Variants in CDH2 observed in about 807,000 individuals in gnomAD.
The protein encoded by CDH2 is cadherin-2.
Under a neutral mutation model 92.0 loss-of-function variants are expected in CDH2, and 17 were observed. The ratio of observed to expected loss-of-function variants is 0.18; its 90% CI spans 0.13 to 0.28. CDH2 has a LOEUF of 0.28. Among genes scored for constraint, CDH2 ranks in the 10% least tolerant of loss-of-function variants. The pLI is 1.00. For synonymous variants in CDH2, 419 were observed against 415.9 expected (o/e 1.01, Z -0.09); for missense variants, 862 against 1,133.1 (o/e 0.76, Z 3.44).
At chr18:27,986,885 A>G (rs1278067556) in intron 11 of CDH2, among the ~76,000 whole-genome samples, 1 of 152,236 alleles carries the variant, frequency 6.6e-6, no homozygotes, top group Non-Finnish European at 1.5e-5. Context: ...TTTTATAACA[A>G]CTATATAGAA....
At chr18:28,009,955 C>T in intron 4 of CDH2, 83 bp from the exon 5 acceptor site, 1 of 1,059,546 alleles carries the variant, frequency 9.4e-7, no homozygotes, top group Non-Finnish European at 1.3e-6. Flanking sequence ...ACTTCATGCC[C>T]TTTTTCAGCT....
rs147122669 is a variant in CDH2, at chr18:28,042,267, G to T, written c.173-28358C>A. The stretch of plus-strand genomic sequence containing the variant: ...TAAAATACCCAATAAGATAGCATTG[G>T]AATTAGGGAAATAACGTTTTATTAC... On this transcript the variant is annotated intron_variant, in intron 2 of 15. Transcript: ENST00000269141. 9.9e-5 allele frequency among the ~76,000 whole-genome samples: 15 copies of T among 152,214 alleles called. 1 individual carries two copies. The East Asian group carries it at 2.9e-3, about 29-fold the overall frequency.
At chr18:27,982,315 C>T (rs1331654056) in intron 14 of CDH2, among the ~76,000 whole-genome samples, 1 of 152,118 alleles carries the variant, frequency 6.6e-6, no homozygotes, top group Non-Finnish European at 1.5e-5. Context: ...CCCATACGCA[C>T]ATAGTGATAT....
intron 6 of CDH2, among the ~76,000 whole-genome samples, chr18:27,935,334 GGA>G (rs1027473665): frequency 9.9e-5 from 15 of 152,132 alleles, no homozygotes; most frequent in African/African-American, 3.6e-4. Context: ...ATGGCTGGAA[GGA>G]GAGACAGAGA....
intron 1 of CDH2, among the ~76,000 whole-genome samples, chr18:28,158,833 A>C (rs766033554): frequency 2.0e-5 from 3 of 152,230 alleles, no homozygotes; most frequent in Non-Finnish European, 2.9e-5. Flanking sequence ...TTATTAAGCC[A>C]GACATTAAAG....
chr18:27,951,951 T>C lies in CDH2; in HGVS notation c.*202A>G, dbSNP rs927212386. 3 of 580,684 alleles carry C rather than the reference T, an allele frequency of 5.2e-6. No individual in the cohort carries two copies. The highest frequency in any genetic ancestry group is 1.9e-5 in the African/African-American group (1 of 53,374). 36.0% of individuals were successfully genotyped at this position (580,684 alleles called of 1,614,324 possible). A position where few individuals can be genotyped will look rare whatever the true frequency, so the allele number is the denominator to read the frequency against. ...GTGCTTCTGTACTGTAAAATTCAAG[T>C]GTAACTGAGCTCAGTGTTTTTCCAA... On this transcript the variant is annotated 3_prime_UTR_variant, in exon 16 of 16. Coordinates refer to ENST00000269141, the MANE Select transcript of CDH2 (RefSeq NM_001792.5).
intron 2 of CDH2, among the ~76,000 whole-genome samples, chr18:28,034,161 G>A (rs2144091045): frequency 6.6e-6 from 1 of 152,162 alleles, no homozygotes; most frequent in East Asian, 1.9e-4. Context: ...TCTCTCAACA[G>A]CTTTGGATCT....
chr18:28,087,460 C>T (rs1308201294), intron 2 of CDH2, among the ~76,000 whole-genome samples: 1 of 152,114 alleles, frequency 6.6e-6, no homozygotes, highest in Admixed American at 6.6e-5. Context: ...GACGGCATGC[C>T]AACACAAACA....
intron 1 of CDH2, among the ~76,000 whole-genome samples, chr18:28,175,465 A>C (rs2016523380): frequency 6.6e-6 from 1 of 152,134 alleles, no homozygotes; most frequent in South Asian, 2.1e-4. Flanking sequence ...CCGGGAGGAG[A>C]GCGTGGAGCC....
At chr18:28,008,958 AGTGG>A (rs1477414664) in intron 5 of CDH2, among the ~76,000 whole-genome samples, 7 of 152,232 alleles carry the variant, frequency 4.6e-5, no homozygotes, top group Admixed American at 3.3e-4. Context: ...GGAAAAACAA[AGTGG>A]GTCTCTCCTT....
At chr18:28,061,751 C>T (rs1324420413) in intron 2 of CDH2, among the ~76,000 whole-genome samples, 3 of 152,150 alleles carry the variant, frequency 2.0e-5, no homozygotes, top group Non-Finnish European at 4.4e-5. Flanking sequence ...GGGGAGGACT[C>T]ACAATCATGG....
intron 2 of CDH2, among the ~76,000 whole-genome samples, chr18:28,146,908 G>A (rs1009252214): frequency 4.3e-4 from 65 of 152,144 alleles, no homozygotes; most frequent in African/African-American, 1.4e-3. Context: ...GACATTTTGC[G>A]TAATAATAAA....
chr18:28,151,853 G>C (rs1045242194), intron 1 of CDH2, among the ~76,000 whole-genome samples: 1 of 152,132 alleles, frequency 6.6e-6, no homozygotes, highest in Non-Finnish European at 1.5e-5. Context: ...TAGTCCATAG[G>C]ATCTCTGCTG....
chr18:27,963,616 A>C, intron 14 of CDH2, 95 bp from the exon 15 acceptor site: 2 of 1,056,374 alleles, frequency 1.9e-6, no homozygotes, highest in Non-Finnish European at 1.4e-6. Flanking sequence ...AACACATAGA[A>C]ATGAGGAAAA....
At chr18:28,165,922 T>C (rs2016371818) in intron 1 of CDH2, among the ~76,000 whole-genome samples, 1 of 151,684 alleles carries the variant, frequency 6.6e-6, no homozygotes, top group Non-Finnish European at 1.5e-5. Context: ...TGTGTGTATA[T>C]ATGTCACCAC....
chr18:28,169,579 G>A (rs187147442), intron 1 of CDH2, among the ~76,000 whole-genome samples: 13 of 152,102 alleles, frequency 8.5e-5, no homozygotes, highest in Non-Finnish European at 1.8e-4. Context: ...AATTATAATG[G>A]CCAATTAATG....
At chr18:28,039,161 C>T (rs2013898165) in intron 2 of CDH2, among the ~76,000 whole-genome samples, 1 of 152,132 alleles carries the variant, frequency 6.6e-6, no homozygotes, top group Non-Finnish European at 1.5e-5. Flanking sequence ...CCCTTCATTT[C>T]TCTCCTTTCC....
chr18:28,172,044 T>C (rs2016472103), intron 1 of CDH2, among the ~76,000 whole-genome samples: 2 of 151,902 alleles, frequency 1.3e-5, no homozygotes, highest in Admixed American at 1.3e-4. Flanking sequence ...AGGAGACTCA[T>C]ATGTATATAG....
At chr18:28,115,480 G>A (rs750449222) in intron 2 of CDH2, among the ~76,000 whole-genome samples, 1 of 152,086 alleles carries the variant, frequency 6.6e-6, no homozygotes, top group East Asian at 1.9e-4. Flanking sequence ...TCAAACATGG[G>A]CCAGGGCAAC....
Sources: gnomAD v4.1 joint callset for allele counts (sites outside exome capture counted in the v4.1 genomes callset) on GRCh38, gnomAD v4.1.1 for gene constraint, MANE v1.5 for transcripts, NCBI Gene and HGNC (gene_info 2026-07-23, HGNC 2026-07-21) for gene names.